Variants in DCN observed in about 807,000 individuals in gnomAD.
DCN encodes bone proteoglycan II.
Under a neutral mutation model 36.5 loss-of-function variants are expected in DCN, and 17 were observed. The observed-to-expected ratio is 0.47, with a 90% confidence interval of 0.32 to 0.70. The LOEUF (loss-of-function observed/expected upper bound fraction) is 0.70. Ranked by LOEUF, DCN falls within the 30% of genes least tolerant of loss-of-function variation. The probability of loss-of-function intolerance (pLI) is 0.04; values close to 1 mark genes in which losing one functional copy is unlikely to be tolerated. For missense variants in DCN, 389 were observed against 430.1 expected, an observed-to-expected ratio of 0.90 and a Z score of 0.84; for synonymous variants, 163 against 161.4, an observed-to-expected ratio of 1.01 and a Z score of -0.07.
At chr12:91,176,432 A>G (rs1021465264) in intron 2 of DCN, 2 of 152,150 alleles carry the variant, frequency 1.3e-5, no homozygotes, top group Non-Finnish European at 2.9e-5. Context: ...AAACAAAACA[A>G]TATCAATGGC....
chr12:91,171,859 T>G (rs775876189), intron 2 of DCN, among the ~76,000 whole-genome samples: 4 of 152,010 alleles, frequency 2.6e-5, no homozygotes, highest in Non-Finnish European at 4.4e-5. Flanking sequence ...CAAATTAAAT[T>G]TTTTTTTAAG....
chr12:91,169,378 C>CCAAAAAAA (rs71097880), intron 2 of DCN, among the ~76,000 whole-genome samples: 1 of 73,384 alleles, frequency 1.4e-5, no homozygotes, highest in Non-Finnish European at 2.4e-5. Flanking sequence ...GAGATCCTGT[C>CCAAAAAAA]AAAAAAAAAA....
At chr12:91,158,599 G>A in intron 3 of DCN, 90 bp from the exon 4 acceptor site, 1 of 769,812 alleles carries the variant, frequency 1.3e-6, no homozygotes, top group Non-Finnish European at 2.3e-6. Flanking sequence ...CCATTCATAG[G>A]GATAGCAGAG....
intron 7 of DCN, among the ~76,000 whole-genome samples, chr12:91,150,264 T>A (rs1276923117): frequency 6.6e-6 from 1 of 152,196 alleles, no homozygotes; most frequent in Admixed American, 6.5e-5. Flanking sequence ...ACATTTATGA[T>A]CGAGTGATTT....
chr12:91,164,109 C>T (rs1009754693), intron 3 of DCN, among the ~76,000 whole-genome samples: 4 of 151,790 alleles, frequency 2.6e-5, no homozygotes, highest in Non-Finnish European at 4.4e-5. Context: ...GGTAAACTAT[C>T]GCAAGAACAA....
chr12:91,163,625 C>A (rs1296399459), intron 3 of DCN, among the ~76,000 whole-genome samples: 2 of 152,056 alleles, frequency 1.3e-5, no homozygotes, highest in Non-Finnish European at 2.9e-5. Flanking sequence ...GAAATCCTGA[C>A]TGATAGACTG....
Position 91,140,629 on chromosome 12 carries a change from A to C in DCN, c.*5429T>G, listed in dbSNP as rs1370591058. 6.6e-6 allele frequency: 1 copy of C among 152,192 alleles called. No individual in the cohort carries two copies. Among genetic ancestry groups the C allele is most frequent in the Admixed American group, 6.5e-5 (1 of 15,290 alleles). The allele number at this position is 152,192 out of a possible 1,614,324, so 9.4% of individuals were successfully genotyped here. Reference sequence around the variant, plus strand: ...AAGTCAAGTCATTTCTGTGCTGATAAAGAAGGATCACAATCTATATTCCGG... The same window carrying C: ...AAGTCAAGTCATTTCTGTGCTGATACAGAAGGATCACAATCTATATTCCGG... On this transcript the variant is annotated 3_prime_UTR_variant, in exon 8 of 8. Transcript: ENST00000052754.
chr12:91,154,049 A>G (rs921378648), intron 5 of DCN, among the ~76,000 whole-genome samples: 1 of 152,158 alleles, frequency 6.6e-6, no homozygotes, highest in Non-Finnish European at 1.5e-5. Context: ...CAAATTGGTT[A>G]AGTGTAGAAA....
At chr12:91,159,080 T>C (rs1194889871) in intron 3 of DCN, among the ~76,000 whole-genome samples, 1 of 152,200 alleles carries the variant, frequency 6.6e-6, no homozygotes, top group Non-Finnish European at 1.5e-5. Context: ...GACATGTATG[T>C]ATGTATATGT....
chr12:91,146,348 TC>T, intron 7 of DCN, 96 bp from the exon 8 acceptor site: 3 of 624,074 alleles, frequency 4.8e-6, no homozygotes, highest in Non-Finnish European at 8.0e-6. Flanking sequence ...TTTTAATCCT[TC>T]ACTTTTTTTT....
intron 5 of DCN, among the ~76,000 whole-genome samples, chr12:91,156,198 CT>C (rs952473735): frequency 2.6e-5 from 4 of 152,142 alleles, no homozygotes; most frequent in Non-Finnish European, 5.9e-5. Flanking sequence ...TGAACTTACC[CT>C]TGTGGCTATG....
intron 5 of DCN, among the ~76,000 whole-genome samples, chr12:91,155,306 A>G (rs965118185): frequency 6.6e-6 from 1 of 152,186 alleles, no homozygotes; most frequent in East Asian, 1.9e-4. Flanking sequence ...CGTTGTAAGA[A>G]TCATATAGAA....
chr12:91,182,437 G>A (rs188395268), intron 1 of DCN: 22 of 152,124 alleles, frequency 1.4e-4, no homozygotes, highest in African/African-American at 4.1e-4. Flanking sequence ...TGCAAAAACA[G>A]AAGAGAAAGA....
chr12:91,182,530 C>A (rs1487213114), intron 1 of DCN, 125 bp downstream of exon 1: 1 of 151,788 alleles, frequency 6.6e-6, no homozygotes, highest in Non-Finnish European at 1.5e-5. Context: ...TGCATAAAAA[C>A]TATAAAAGTT....
intron 6 of DCN, among the ~76,000 whole-genome samples, chr12:91,152,321 T>A (rs1467402845): frequency 1.4e-5 from 2 of 142,208 alleles, no homozygotes; most frequent in African/African-American, 6.2e-5. Flanking sequence ...ATATACACAT[T>A]CAAAGATATA....
chr12:91,168,316 G>C (rs3138204), intron 2 of DCN, among the ~76,000 whole-genome samples: 4,392 of 151,968 alleles, frequency 0.029, 215 homozygotes, highest in African/African-American at 0.1. Context: ...AAGCATATCC[G>C]TTATCCCTCT....
intron 2 of DCN, among the ~76,000 whole-genome samples, chr12:91,173,372 T>C (rs908686922): frequency 4.6e-5 from 7 of 152,162 alleles, no homozygotes; most frequent in African/African-American, 1.7e-4. Context: ...AAACAAGGGC[T>C]ATGTTAGTTG....
intron 2 of DCN, chr12:91,177,390 C>T (rs949939361): frequency 1.7e-6 from 1 of 571,678 alleles, no homozygotes; most frequent in Non-Finnish European, 3.1e-6. Context: ...GAAAGAAGTG[C>T]CTGATCATAG....
At chr12:91,177,584 C>T in intron 2 of DCN, 1 of 702,356 alleles carries the variant, frequency 1.4e-6, no homozygotes, top group Non-Finnish European at 2.6e-6. Context: ...GGAGATTTAT[C>T]TTCTAAGTGT....
Sources: gnomAD v4.1 joint callset for allele counts (sites outside exome capture counted in the v4.1 genomes callset) on GRCh38, gnomAD v4.1.1 for gene constraint, MANE v1.5 for transcripts, NCBI Gene and HGNC (gene_info 2026-07-23, HGNC 2026-07-21) for gene names.